Variants in USP12 observed in about 807,000 individuals in gnomAD.
The protein encoded by USP12 is ubiquitin carboxyl-terminal hydrolase 12.
In USP12, 19 loss-of-function variants were observed where a neutral mutation model predicts 45.5. That is an observed-to-expected ratio of 0.42 (90% CI 0.29 to 0.61). The LOEUF is 0.61. Ranked by LOEUF, USP12 falls within the 20% of genes least tolerant of loss-of-function variation. The pLI, the probability that USP12 is intolerant of heterozygous loss-of-function variation, is 0.22. For synonymous variants in USP12, 149 were observed against 148.8 expected, an observed-to-expected ratio of 1.00 and a Z score of -0.01; for missense variants, 242 against 447.7, an observed-to-expected ratio of 0.54 and a Z score of 4.15.
intron 2 of USP12, among the ~76,000 whole-genome samples, chr13:27,112,418 G>A (rs1875496183): frequency 6.6e-6 from 1 of 151,386 alleles, no homozygotes; most frequent in Non-Finnish European, 1.5e-5. Context: ...GGAGTAACTG[G>A]GACCTCAGGC....
intron 1 of USP12, among the ~76,000 whole-genome samples, chr13:27,164,529 T>C (rs1006909943): frequency 1.3e-5 from 2 of 152,232 alleles, no homozygotes; most frequent in Non-Finnish European, 2.9e-5. Flanking sequence ...AAATTTCTTA[T>C]AGTTTACACT....
chr13:27,154,939 A>G (rs1468621050), intron 1 of USP12, among the ~76,000 whole-genome samples: 1 of 151,978 alleles, frequency 6.6e-6, no homozygotes, highest in Non-Finnish European at 1.5e-5. Flanking sequence ...CCAAAAGGCA[A>G]GGGCAGCATC....
chr13:27,171,621 C>A lies in USP12; in HGVS notation c.19G>T (p.Val7Phe). Reference protein sequence around the residue: MEILMTVSKFASICTMG... With the variant: MEILMTFSKFASICTMG... ...GTACAGATGGAGGCGAATTTGGAGA[C>A]TGTCATTAGGATTTCCATCCGGCCA... is the stretch of plus-strand genomic sequence containing the variant. Residue 7 changes from valine (V) to phenylalanine (F), a missense_variant, in exon 1 of 9, where the codon GTC becomes TTC. Physicochemically the swap from Val to Phe is conservative, Grantham distance 50. This residue lies in a region of USP12 where 19 missense variants were observed against 16.1 expected (regional missense o/e 1.18). Transcript: ENST00000282344. 1 of 1,295,170 alleles carries A rather than the reference C, an allele frequency of 7.7e-7. No individual in the cohort carries two copies. Among genetic ancestry groups the A allele is most frequent in the South Asian group, 1.3e-5 (1 of 77,482 alleles). 80.2% of individuals were successfully genotyped at this position (1,295,170 alleles called of 1,614,324 possible).
At chr13:27,162,561 T>C (rs1878158705) in intron 1 of USP12, among the ~76,000 whole-genome samples, 1 of 152,178 alleles carries the variant, frequency 6.6e-6, no homozygotes, top group Non-Finnish European at 1.5e-5. Context: ...GAAAGACTAA[T>C]AACAACAACA....
Position 27,067,491 on chromosome 13 carries a change from C to CT in USP12, c.*1791dup, listed in dbSNP as rs1873052101. ...CTTTAGGAACTATCTTAAAAAGAAA[C>CT]TTGTCAAAATACTTTTTGATATTTT... On this transcript the variant is annotated 3_prime_UTR_variant, in exon 9 of 9. Coordinates refer to ENST00000282344, the MANE Select transcript of USP12 (RefSeq NM_182488.4). 1 of 152,114 alleles carries CT rather than the reference C, an allele frequency of 6.6e-6. No homozygotes were observed. The highest frequency in any genetic ancestry group is 1.5e-5 in the Non-Finnish European group (1 of 68,012). 9.4% of individuals were successfully genotyped at this position (152,114 alleles called of 1,614,324 possible).
rs1230078445 is a variant in USP12 at position 27,105,852 on chromosome 13, A to G, written c.222T>C (p.Pro74=). The G allele has an allele frequency of 6.2e-7, 1 of 1,613,852 alleles. No individual in the cohort carries two copies. Among genetic ancestry groups the G allele is most frequent in the Non-Finnish European group, 8.5e-7 (1 of 1,179,814 alleles). The change falls in exon 3 of 9, where the codon CCT becomes CCC. Residue 74 remains proline (P), a synonymous_variant. Transcript: ENST00000282344. ...REKVLAYKSQ[P]RKKESLLTCL... ...ATGTAAGAAGGCTCTCCTTTTTCCT[A>G]GGTTGACTCTTATACGCAAGAACTT...
At chr13:27,103,984 C>T (rs749654331) in intron 3 of USP12, among the ~76,000 whole-genome samples, 2 of 151,998 alleles carry the variant, frequency 1.3e-5, no homozygotes, top group Admixed American at 6.6e-5. Context: ...GAGAAATGTA[C>T]TATTAAATGA....
intron 2 of USP12, among the ~76,000 whole-genome samples, chr13:27,115,053 A>G (rs955752606): frequency 6.6e-6 from 1 of 152,170 alleles, no homozygotes; most frequent in Admixed American, 6.5e-5. Flanking sequence ...ACCAACCTTT[A>G]ATAGTTGGAG....
chr13:27,088,409 T>C (rs1874165064), intron 6 of USP12, among the ~76,000 whole-genome samples: 1 of 89,818 alleles, frequency 1.1e-5, no homozygotes, highest in Admixed American at 1.6e-4. Flanking sequence ...AGAGCGAGAC[T>C]CCGTCTCAAA....
At chr13:27,125,714 G>A (rs956845973) in intron 1 of USP12, among the ~76,000 whole-genome samples, 1 of 152,244 alleles carries the variant, frequency 6.6e-6, no homozygotes, top group African/African-American at 2.4e-5. Context: ...AAGTGAAGCT[G>A]TGAGTGACTG....
intron 1 of USP12, among the ~76,000 whole-genome samples, chr13:27,157,613 T>C (rs531539995): frequency 2.6e-5 from 4 of 152,182 alleles, no homozygotes; most frequent in Non-Finnish European, 5.9e-5. Flanking sequence ...GAGGACAAAA[T>C]TACTGAAACA....
At chr13:27,102,043 G>GAAT (rs368656759) in intron 3 of USP12, among the ~76,000 whole-genome samples, 4 of 151,880 alleles carry the variant, frequency 2.6e-5, no homozygotes, top group African/African-American at 9.7e-5. Context: ...ATGAATGAAT[G>GAAT]GACAATAGGG....
intron 7 of USP12, among the ~76,000 whole-genome samples, chr13:27,073,247 G>C (rs1302562496): frequency 1.3e-5 from 2 of 152,218 alleles, no homozygotes; most frequent in East Asian, 1.9e-4. Context: ...CTGCTGTGCA[G>C]AACTCCATCA....
At chr13:27,156,486 G>T (rs1182996748) in intron 1 of USP12, among the ~76,000 whole-genome samples, 1 of 152,178 alleles carries the variant, frequency 6.6e-6, no homozygotes, top group Non-Finnish European at 1.5e-5. Flanking sequence ...GAGACAATCA[G>T]GTAATTTCAA....
chr13:27,121,769 G>A (rs1003420625), intron 1 of USP12, among the ~76,000 whole-genome samples: 3 of 152,108 alleles, frequency 2.0e-5, no homozygotes, highest in East Asian at 1.9e-4. Flanking sequence ...GCTGAAGCAG[G>A]AGAATGGCGC....
intron 1 of USP12, among the ~76,000 whole-genome samples, chr13:27,143,247 C>T (rs1396327833): frequency 6.6e-6 from 1 of 151,954 alleles, no homozygotes; most frequent in African/African-American, 2.4e-5. Flanking sequence ...AAATAAAAAT[C>T]TATCATGACA....
rs564731703 is a variant in USP12, at chr13:27,106,142, CAGGTTCTT to C, written c.130-206_130-199del. 6.1e-3 allele frequency among the ~76,000 whole-genome samples: 921 copies of C among 152,150 alleles called. 4 individuals carry two copies. Among genetic ancestry groups the C allele is most frequent in the Middle Eastern group, 0.014 (4 of 294 alleles). ...AAATCACAAAAGTAAAGTTTTCTAT[CAGGTTCTT>C]AGGTACATCCAAATTAAAACACACA... is the stretch of plus-strand genomic sequence containing the variant. On this transcript the variant is annotated intron_variant, in intron 2 of 8. Transcript: ENST00000282344.
chr13:27,135,231 C>T (rs776085168), intron 1 of USP12, among the ~76,000 whole-genome samples: 2 of 151,920 alleles, frequency 1.3e-5, no homozygotes, highest in Non-Finnish European at 2.9e-5. Context: ...TGCAGTGAGC[C>T]GAGACCACAA....
chr13:27,150,400 A>G (rs1319678550), intron 1 of USP12, among the ~76,000 whole-genome samples: 2 of 152,214 alleles, frequency 1.3e-5, no homozygotes, highest in Non-Finnish European at 2.9e-5. Flanking sequence ...TCAGAGTTTC[A>G]AAACTCTGAA....
Sources: gnomAD v4.1 joint callset for allele counts (sites outside exome capture counted in the v4.1 genomes callset) on GRCh38, gnomAD v4.1.1 for gene constraint, gnomAD v4.1.1 regional missense constraint, MANE v1.5 for transcripts, NCBI Gene and HGNC (gene_info 2026-07-23, HGNC 2026-07-21) for gene names.